DNAH6: variants seen among roughly 807,000 people sequenced by gnomAD.
DNAH6 encodes the protein dynein axonemal heavy chain 6.
A neutral mutation model predicts 491.4 loss-of-function variants in DNAH6; 340 were observed. The observed-to-expected ratio is 0.69, with a 90% CI of 0.63 to 0.76. The LOEUF (loss-of-function observed/expected upper bound fraction) is 0.76, where lower values mean the gene tolerates loss of function less well. Ranked by LOEUF, DNAH6 falls within the 30% of genes least tolerant of loss-of-function variation. DNAH6 has a pLI of 0.00. For synonymous variants in DNAH6, 1,603 were observed against 1,686.1 expected (o/e 0.95, Z 1.21); for missense variants, 4,443 against 4,972.2 (o/e 0.89, Z 3.20).
chr2:84,508,117 G>C, the DNAH6 span, among the ~76,000 whole-genome samples: 1 of 152,146 alleles, frequency 6.6e-6, no homozygotes, highest in African/African-American at 2.4e-5. Context: ...TTTTTCTATT[G>C]ATTGGAGTTG....
Position 84,697,580 on chromosome 2 carries a change from A to G in DNAH6, c.7530A>G (p.Val2510=), listed in dbSNP as rs1695510637. The change falls in exon 47 of 77, where the codon GTA becomes GTG. Residue 2510 remains valine, a synonymous_variant. Transcript: ENST00000389394. ...ATCACTGCTTTCTTCTACAGATTGT[A>G]GTGGAGGAGTTCCTAGAAGATATAA... The part of the protein sequence containing the change: ...MVFLFTDTQI[V]VEEFLEDINN... 6.4e-7 allele frequency: 1 copy of G among 1,551,358 alleles called. No individual in the cohort carries two copies. The highest frequency in any genetic ancestry group is 8.7e-7 in the Non-Finnish European group (1 of 1,146,750).
intron 10 of DNAH6, among the ~76,000 whole-genome samples, chr2:84,554,512 A>G (rs2104579753): frequency 6.6e-6 from 1 of 152,314 alleles, no homozygotes; most frequent in East Asian, 1.9e-4. Context: ...ACTAGTAATC[A>G]GGATCTCTAG....
rs1696219853 is a variant in DNAH6 at position 84,704,286 on chromosome 2, AT to A, written c.8451del (p.Leu2818PhefsTer2). 1 of 1,550,990 alleles carries A rather than the reference AT, an allele frequency of 6.4e-7. No individual in the cohort carries two copies. The highest frequency in any genetic ancestry group is 8.7e-7 in the Non-Finnish European group (1 of 1,146,460). ...CATGACAGTAATGGAAGCAATCTCC[AT>A]TCTTTTGAATGCCAAGTGAGTAATT... ...LVMTVMEAIS[I>X]LLNAKPDWPS... On this transcript the variant is annotated frameshift_variant, in exon 51 of 77. Coordinates refer to ENST00000389394, the MANE Select transcript of DNAH6 (RefSeq NM_001370.2). LOFTEE classifies it high-confidence loss of function.
chr2:84,507,828 G>T, the DNAH6 span, among the ~76,000 whole-genome samples: 3 of 152,196 alleles, frequency 2.0e-5, no homozygotes, highest in Admixed American at 6.5e-5. Context: ...AGATAATCAT[G>T]TGGTTTTTGT....
chr2:84,700,517 G>A (rs1361817021), intron 48 of DNAH6, among the ~76,000 whole-genome samples: 3 of 152,166 alleles, frequency 2.0e-5, no homozygotes, highest in African/African-American at 4.8e-5. Context: ...ACTCAGGAGA[G>A]CATAAAACTG....
At chr2:84,811,073 G>A (rs1389293260) in intron 72 of DNAH6, among the ~76,000 whole-genome samples, 2 of 152,208 alleles carry the variant, frequency 1.3e-5, no homozygotes, top group Non-Finnish European at 2.9e-5. Flanking sequence ...CTCTGCTGCA[G>A]ATGGTTCCTC....
At chr2:84,559,537 ACT>A (rs1394028715) in intron 11 of DNAH6, among the ~76,000 whole-genome samples, 9 of 152,096 alleles carry the variant, frequency 5.9e-5, no homozygotes, top group Non-Finnish European at 2.9e-5. Context: ...GCAGAGCAAG[ACT>A]CTGTCTCAAG....
the DNAH6 span, among the ~76,000 whole-genome samples, chr2:84,480,404 C>T: frequency 2.0e-5 from 3 of 152,260 alleles, no homozygotes; most frequent in East Asian, 1.9e-4. Context: ...GGTTTTGTTG[C>T]ACTGTAAGTA....
At position 84,730,701 on chromosome 2, in the gene DNAH6, T is replaced by C. The variant is rs1228936658; in HGVS notation, c.10207-2743T>C. Reference sequence around the variant, plus strand: ...TTTTTAAAGCATTTTCTCTTAATGCTAGGAATCCAAAAAATGATGCTAGTA... The same window carrying C: ...TTTTTAAAGCATTTTCTCTTAATGCCAGGAATCCAAAAAATGATGCTAGTA... On this transcript the variant is annotated intron_variant, in intron 61 of 76. Transcript: ENST00000389394. 2.6e-5 allele frequency among the ~76,000 whole-genome samples: 4 copies of C among 152,338 alleles called. No individual in the cohort carries two copies. The East Asian group carries it at 7.7e-4, about 29-fold the overall frequency.
In DNAH6 at chr2:84,694,348, CG is replaced by C. The variant is rs1475295403; in HGVS notation, c.7394del (p.Gly2465ValfsTer22). On this transcript the variant is annotated frameshift_variant, in exon 46 of 77. Transcript: ENST00000389394. LOFTEE classifies it high-confidence loss of function. ...TCACGAGACTTGCAGCTCATATATG[CG>C]GTTACAAATGTTTGCAGATTGAACT... ...SLTRLAAHIC[G>X]YKCLQIELSR... 3.2e-6 allele frequency: 5 copies of C among 1,552,236 alleles called. No homozygotes were observed. In the African/African-American group the frequency reaches 6.8e-5, roughly 21 times the overall value.
intron 35 of DNAH6, among the ~76,000 whole-genome samples, chr2:84,656,035 T>C (rs539766287): frequency 4.6e-5 from 7 of 152,168 alleles, no homozygotes; most frequent in Admixed American, 6.6e-5. Context: ...TAGAATGTTA[T>C]ACAGTTGAAA....
In DNAH6 at chr2:84,583,901, A is replaced by G. The variant is rs1573103048; in HGVS notation, c.2230-98A>G. The G allele has an allele frequency of 4.0e-6, 5 of 1,235,966 alleles. No individual in the cohort carries two copies. The East Asian group carries it at 9.3e-5, about 23-fold the overall frequency. 76.6% of individuals were successfully genotyped at this position (1,235,966 alleles called of 1,614,324 possible). ...AGCAGCAGCAGAACAGACTAATACA[A>G]TGTTCATATTGTACAGTGTCTGTCT... is the stretch of plus-strand genomic sequence containing the variant. On this transcript the variant is annotated intron_variant, in intron 14 of 76. Transcript: ENST00000389394.
In DNAH6 at chr2:84,577,413, C is replaced by G. The variant is rs1682565364; in HGVS notation, c.2076+5C>G. ...TCACCTTTGCGATGCTTAGAGGTAACTATAAACTAGAAAAAAAAATAATTA... is the reference window on the plus strand; with the variant it reads ...TCACCTTTGCGATGCTTAGAGGTAAGTATAAACTAGAAAAAAAAATAATTA... On this transcript the variant is annotated splice_donor_5th_base_variant and intron_variant, in intron 13 of 76. Transcript: ENST00000389394. 6.4e-7 allele frequency: 1 copy of G among 1,555,816 alleles called. No homozygotes were observed. Among genetic ancestry groups the G allele is most frequent in the Non-Finnish European group, 8.7e-7 (1 of 1,153,882 alleles).
the DNAH6 span, among the ~76,000 whole-genome samples, chr2:84,509,310 T>C: frequency 6.6e-6 from 1 of 152,248 alleles, no homozygotes; most frequent in East Asian, 1.9e-4. Context: ...TCTTGTTGAA[T>C]TGATCCCTTT....
intron 4 of DNAH6, among the ~76,000 whole-genome samples, chr2:84,543,928 T>C (rs1186178116): frequency 6.6e-6 from 1 of 152,158 alleles, no homozygotes; most frequent in Non-Finnish European, 1.5e-5. Flanking sequence ...CTCCAGATAG[T>C]TTTAATGTAG....
chr2:84,516,689 T>C (rs1157243892), intron 1 of DNAH6, 106 bp downstream of exon 1: 3 of 152,204 alleles, frequency 2.0e-5, no homozygotes, highest in Admixed American at 6.5e-5. Flanking sequence ...AGAAAATCAA[T>C]GGAAAGGCAT....
chr2:84,598,137 T>TTCTTTC (rs1221503101), intron 18 of DNAH6, among the ~76,000 whole-genome samples: 1 of 54,800 alleles, frequency 1.8e-5, no homozygotes, highest in East Asian at 6.9e-4. Flanking sequence ...TTTTCTTTCT[T>TTCTTTC]TCTTTCTTTC....
chr2:84,630,885 G>A (rs998970068), intron 29 of DNAH6, among the ~76,000 whole-genome samples: 1 of 152,126 alleles, frequency 6.6e-6, no homozygotes, highest in African/African-American at 2.4e-5. Flanking sequence ...AAAATAGAAT[G>A]TTGGTAATTT....
intron 18 of DNAH6, among the ~76,000 whole-genome samples, chr2:84,596,639 G>T (rs1182291999): frequency 1.4e-5 from 2 of 145,952 alleles, no homozygotes; most frequent in Non-Finnish European, 3.0e-5. Context: ...ACAATTTTAG[G>T]GTATTTTTTT....
Sources: gnomAD v4.1 joint callset for allele counts (sites outside exome capture counted in the v4.1 genomes callset) on GRCh38, gnomAD v4.1.1 for gene constraint, MANE v1.5 for transcripts, NCBI Gene and HGNC (gene_info 2026-07-23, HGNC 2026-07-21) for gene names.